FGFR1OP2: variants seen among roughly 807,000 people sequenced by gnomAD.
FGFR1OP2 encodes fibroblast growth factor receptor 1 oncogene partner 2.
A neutral mutation model predicts 35.2 loss-of-function variants in FGFR1OP2; 17 were observed. That is an observed-to-expected ratio of 0.48 (90% CI 0.33 to 0.73). FGFR1OP2 has a LOEUF of 0.73. Among genes scored for constraint, FGFR1OP2 ranks in the 30% least tolerant of loss-of-function variants. The pLI is 0.02. For missense variants in FGFR1OP2, 251 were observed against 307.3 expected, an observed-to-expected ratio of 0.82 and a Z score of 1.37; for synonymous variants, 105 against 104.6, an observed-to-expected ratio of 1.00 and a Z score of -0.03.
chr12:26,965,639 T>C lies in FGFR1OP2; in HGVS notation c.*906T>C, dbSNP rs1383314220. 2 of 151,930 alleles carry C rather than the reference T, an allele frequency of 1.3e-5. No individual in the cohort carries two copies. The highest frequency in any genetic ancestry group is 2.9e-5 in the Non-Finnish European group (2 of 67,836). 9.4% of individuals were successfully genotyped at this position (151,930 alleles called of 1,614,324 possible). On this transcript the variant is annotated 3_prime_UTR_variant, in exon 7 of 7. Coordinates refer to ENST00000229395, the MANE Select transcript of FGFR1OP2 (RefSeq NM_015633.3). The stretch of plus-strand genomic sequence containing the variant: ...CTGGCTCATAGAACCCTTTTTTTTT[T>C]CCTTTAAGTATTCTTGAGATACAAA...
At chr12:26,951,807 C>G (rs550609854) in intron 1 of FGFR1OP2, among the ~76,000 whole-genome samples, 9 of 152,224 alleles carry the variant, frequency 5.9e-5, no homozygotes, top group African/African-American at 2.2e-4. Context: ...CAGATCCTGT[C>G]TATTGCATTT....
chr12:26,940,033 C>G (rs1938705109), intron 1 of FGFR1OP2, among the ~76,000 whole-genome samples: 1 of 152,168 alleles, frequency 6.6e-6, no homozygotes, highest in South Asian at 2.1e-4. Context: ...TGACAGAAAA[C>G]TACTATGCTT....
chr12:26,959,966 A>G (rs1052492480), intron 4 of FGFR1OP2, among the ~76,000 whole-genome samples: 4 of 152,090 alleles, frequency 2.6e-5, no homozygotes, highest in African/African-American at 2.4e-5. Context: ...CTGGAACGCT[A>G]GAGGGAACAA....
chr12:26,964,436 C>G lies in FGFR1OP2; in HGVS notation c.625-160C>G, dbSNP rs1022159660. Among the ~76,000 whole-genome samples, 11 of 152,108 alleles carry G rather than the reference C, an allele frequency of 7.2e-5. 1 individual carries two copies. Among genetic ancestry groups the G allele is most frequent in the African/African-American group, 2.2e-4 (9 of 41,450 alleles). On this transcript the variant is annotated intron_variant, in intron 6 of 6. Coordinates refer to ENST00000229395, the MANE Select transcript of FGFR1OP2 (RefSeq NM_015633.3). Reference sequence around the variant, plus strand: ...TAGCTGCATAAGTGTTCTTTAGATTCAAGTTGCCAACTGCATATATCATTG... The same window carrying G: ...TAGCTGCATAAGTGTTCTTTAGATTGAAGTTGCCAACTGCATATATCATTG...
At chr12:26,962,613 G>C (rs1459741699) in intron 5 of FGFR1OP2, 2 of 148,994 alleles carry the variant, frequency 1.3e-5, no homozygotes, top group Non-Finnish European at 3.0e-5. Flanking sequence ...GACAGTCTTT[G>C]TATTCCTGTT....
intron 1 of FGFR1OP2, among the ~76,000 whole-genome samples, chr12:26,945,658 C>T (rs1938808027): frequency 1.3e-5 from 2 of 152,110 alleles, no homozygotes; most frequent in Non-Finnish European, 2.9e-5. Context: ...GTCAGGCGTT[C>T]AGGACCAGCC....
chr12:26,950,612 C>G lies in FGFR1OP2; in HGVS notation c.-14-3533C>G, dbSNP rs117182108. On this transcript the variant is annotated intron_variant, in intron 1 of 6. Transcript: ENST00000229395. The stretch of plus-strand genomic sequence containing the variant: ...AGTGGATTATTCTAAAAGCATATCA[C>G]CTATTCATGTATATATTTACTTTCA... 6.7e-4 allele frequency among the ~76,000 whole-genome samples: 102 copies of G among 152,260 alleles called. 2 individuals are homozygous for G. The East Asian group carries it at 0.019, about 28-fold the overall frequency.
intron 2 of FGFR1OP2, among the ~76,000 whole-genome samples, chr12:26,954,510 A>G (rs1592251336): frequency 6.6e-6 from 1 of 152,240 alleles, no homozygotes; most frequent in Non-Finnish European, 1.5e-5. Context: ...TTTTGCTGAC[A>G]GAGTTGCACA....
intron 1 of FGFR1OP2, 132 bp from the exon 2 acceptor site, chr12:26,954,013 G>T: frequency 1.8e-6 from 1 of 561,872 alleles, no homozygotes. Context: ...GTTCTTAGGT[G>T]TTTTTTCCTC....
At chr12:26,953,268 CAAAAAAAAA>C (rs10714749) in intron 1 of FGFR1OP2, among the ~76,000 whole-genome samples, 6 of 78,314 alleles carry the variant, frequency 7.7e-5, no homozygotes, top group African/African-American at 3.1e-4. Context: ...ACTGTGTCTC[CAAAAAAAAA>C]AAAAAAAAAA....
chr12:26,955,412 G>A (rs1382294828), intron 2 of FGFR1OP2, among the ~76,000 whole-genome samples: 6 of 152,194 alleles, frequency 3.9e-5, no homozygotes, highest in Admixed American at 3.9e-4. Context: ...AGGTTATGCA[G>A]TATAACCACT....
chr12:26,955,711 C>A (rs1939007890), intron 2 of FGFR1OP2, among the ~76,000 whole-genome samples: 1 of 152,180 alleles, frequency 6.6e-6, no homozygotes, highest in Non-Finnish European at 1.5e-5. Context: ...TTGTGCTTAT[C>A]CATTCATCAG....
Position 26,954,042 on chromosome 12 carries a change from C to T in FGFR1OP2, c.-14-103C>T, listed in dbSNP as rs559783632. 24 of 851,258 alleles carry T rather than the reference C, an allele frequency of 2.8e-5. No individual in the cohort carries two copies. In the African/African-American group the frequency reaches 4.0e-4, roughly 14 times the overall value. 52.7% of individuals were successfully genotyped at this position (851,258 alleles called of 1,614,324 possible). A position where few individuals can be genotyped will look rare whatever the true frequency, so the allele number is the denominator to read the frequency against. On this transcript the variant is annotated intron_variant, in intron 1 of 6. Coordinates refer to ENST00000229395, the MANE Select transcript of FGFR1OP2 (RefSeq NM_015633.3). ...TTTCCTCCCTGGACAGTGAACAATA[C>T]TGTAACAAATGTGGCTTAAGAAGCA...
chr12:26,956,518 C>T (rs1179137900), intron 2 of FGFR1OP2, 25 bp from the exon 3 acceptor site: 2 of 1,026,708 alleles, frequency 1.9e-6, no homozygotes, highest in Non-Finnish European at 2.8e-6. Flanking sequence ...GTATTTTCAT[C>T]CCACATGTTT....
rs983696388 is a variant in FGFR1OP2, at chr12:26,966,316, C to G, written c.*1583C>G. The G allele has an allele frequency of 3.3e-5, 5 of 152,006 alleles. No individual in the cohort carries two copies. The highest frequency in any genetic ancestry group is 9.7e-5 in the African/African-American group (4 of 41,422). The allele number at this position is 152,006 out of a possible 1,614,324, so 9.4% of individuals were successfully genotyped here. On this transcript the variant is annotated 3_prime_UTR_variant, in exon 7 of 7. Coordinates refer to ENST00000229395, the MANE Select transcript of FGFR1OP2 (RefSeq NM_015633.3). ...ATTTAATGACACATTCATTCAGATACTTCTTATCCCTGCTAATAAAGGAAA... is the reference window on the plus strand; with the variant it reads ...ATTTAATGACACATTCATTCAGATAGTTCTTATCCCTGCTAATAAAGGAAA...
At position 26,957,176 on chromosome 12, in the gene FGFR1OP2, G is replaced by A. The variant is rs564009631; in HGVS notation, c.254-425G>A. 1.1e-3 allele frequency among the ~76,000 whole-genome samples: 165 copies of A among 152,168 alleles called. 1 individual carries two copies. In the Middle Eastern group the frequency reaches 0.031, roughly 28 times the overall value. On this transcript the variant is annotated intron_variant, in intron 3 of 6. Coordinates refer to ENST00000229395, the MANE Select transcript of FGFR1OP2 (RefSeq NM_015633.3). ...ATCTGTTTTCATGCCTACCTGCTTAGAAGGTCCATTCCTTCACTTTTCAAC... is the reference window on the plus strand; with the variant it reads ...ATCTGTTTTCATGCCTACCTGCTTAAAAGGTCCATTCCTTCACTTTTCAAC...
chr12:26,949,376 C>T (rs534866290), intron 1 of FGFR1OP2, among the ~76,000 whole-genome samples: 151 of 152,190 alleles, frequency 9.9e-4, no homozygotes, highest in African/African-American at 3.4e-3. Flanking sequence ...AGGTGATCCA[C>T]CCACCTCAGC....
At chr12:26,950,012 A>G (rs1055183682) in intron 1 of FGFR1OP2, among the ~76,000 whole-genome samples, 4 of 152,046 alleles carry the variant, frequency 2.6e-5, no homozygotes, top group Non-Finnish European at 5.9e-5. Context: ...TGTATCTATC[A>G]TGGAGTCTTT....
At chr12:26,950,304 G>A (rs1949056078) in intron 1 of FGFR1OP2, among the ~76,000 whole-genome samples, 1 of 126,274 alleles carries the variant, frequency 7.9e-6, no homozygotes, top group African/African-American at 3.0e-5. Flanking sequence ...CTCACTGCAA[G>A]CTCCGCCTCC....
Sources: gnomAD v4.1 joint callset for allele counts (sites outside exome capture counted in the v4.1 genomes callset) on GRCh38, gnomAD v4.1.1 for gene constraint, MANE v1.5 for transcripts, NCBI Gene and HGNC (gene_info 2026-07-23, HGNC 2026-07-21) for gene names.